NRDE2: variants seen among roughly 807,000 people sequenced by gnomAD.
NRDE2 encodes the protein nuclear exosome regulator NRDE2.
NRDE2 carries 76 observed loss-of-function variants against 124.2 expected under a neutral mutation model. That is an observed-to-expected ratio of 0.61 (90% CI 0.51 to 0.74). The LOEUF is 0.74. NRDE2 is among the 30% of genes least tolerant of loss of function. The pLI is 0.00. For missense variants in NRDE2, 1,314 were observed against 1,417.3 expected, an observed-to-expected ratio of 0.93 and a Z score of 1.17; for synonymous variants, 489 against 528.1, an observed-to-expected ratio of 0.93 and a Z score of 1.01.
At chr14:90,330,093 G>C (rs1443134327) in intron 1 of NRDE2, among the ~76,000 whole-genome samples, 1 of 151,524 alleles carries the variant, frequency 6.6e-6, no homozygotes, top group Non-Finnish European at 1.5e-5. Flanking sequence ...TGTAGTCCCA[G>C]CTACTCGGGA....
intron 4 of NRDE2, among the ~76,000 whole-genome samples, chr14:90,306,809 C>CA (rs34221775): frequency 0.31 from 42,547 of 135,158 alleles, 6,057 homozygotes; most frequent in South Asian, 0.37. Flanking sequence ...GACTTGGTCT[C>CA]AAAAAAAAAA....
intron 12 of NRDE2, among the ~76,000 whole-genome samples, chr14:90,283,693 T>C (rs1231590074): frequency 1.3e-5 from 2 of 151,222 alleles, no homozygotes; most frequent in African/African-American, 2.4e-5. Flanking sequence ...GAGAAATGCA[T>C]AAACTTTTGC....
In NRDE2 at chr14:90,272,476, G is replaced by A; in HGVS notation, c.*5860C>T. The stretch of plus-strand genomic sequence containing the variant: ...ATCCCTGAAAGGGATGAGGTTGGGG[G>A]AGTTGCCCAGAGGAATCCCTGTTCC... On this transcript the variant is annotated 3_prime_UTR_variant, in exon 14 of 14. Transcript: ENST00000354366. The surrounding 1 kb of genome is among the most constrained non-coding windows in gnomAD (Gnocchi z 4.5). The A allele has an allele frequency of 8.8e-7, 1 of 1,131,624 alleles. No individual in the cohort carries two copies. The highest frequency in any genetic ancestry group is 1.2e-6 in the Non-Finnish European group (1 of 804,104). The allele number at this position is 1,131,624 out of a possible 1,614,324, so 70.1% of individuals were successfully genotyped here. A position where few individuals can be genotyped will look rare whatever the true frequency, so the allele number is the denominator to read the frequency against.
At position 90,268,401 on chromosome 14, in the gene NRDE2, T is replaced by C; in HGVS notation, c.*9935A>G. On this transcript the variant is annotated 3_prime_UTR_variant, in exon 14 of 14. Transcript: ENST00000354366. ...GTGTTTATTGATGAAATTGACGCCA[T>C]TGGGACAAAAAGGTAGACTTTCTCA... 1 of 1,613,290 alleles carries C rather than the reference T, an allele frequency of 6.2e-7. No homozygotes were observed. The highest frequency in any genetic ancestry group is 8.5e-7 in the Non-Finnish European group (1 of 1,179,722).
chr14:90,279,925 G>T (rs2139664065), intron 12 of NRDE2: 1 of 152,452 alleles, frequency 6.6e-6, no homozygotes, highest in East Asian at 1.9e-4. Context: ...CCCTCAGAAG[G>T]TTCTAGGGGA....
rs1201415843 is a variant in NRDE2 at position 90,278,808 on chromosome 14, C to T, written c.3369+254G>A. Reference sequence around the variant, plus strand: ...ACTCTTTCAGCATCTGGGCTGGACTCTGACCAAATGCTGGGAAACCAGCTA... The same window carrying T: ...ACTCTTTCAGCATCTGGGCTGGACTTTGACCAAATGCTGGGAAACCAGCTA... On this transcript the variant is annotated intron_variant, in intron 13 of 13. Transcript: ENST00000354366. 6 of 560,340 alleles carry T rather than the reference C, an allele frequency of 1.1e-5. No homozygotes were observed. The East Asian group carries it at 1.8e-4, about 17-fold the overall frequency. The allele number at this position is 560,340 out of a possible 1,614,324, so 34.7% of individuals were successfully genotyped here. A position where few individuals can be genotyped will look rare whatever the true frequency, so the allele number is the denominator to read the frequency against.
In NRDE2 at chr14:90,327,100, A is replaced by G. The variant is rs565342401; in HGVS notation, c.64+4741T>C. On this transcript the variant is annotated intron_variant, in intron 1 of 13. Coordinates refer to ENST00000354366, the MANE Select transcript of NRDE2 (RefSeq NM_017970.4). The stretch of plus-strand genomic sequence containing the variant: ...ACACAGTGGTGATGATACCCCTAAC[A>G]ACCCAGTGTGTGGTTTTCATATATC... 1.4e-3 allele frequency among the ~76,000 whole-genome samples: 216 copies of G among 152,352 alleles called. 1 individual carries two copies. Among genetic ancestry groups the G allele is most frequent in the African/African-American group, 5.1e-3 (212 of 41,580 alleles).
Position 90,304,284 on chromosome 14 carries a change from T to C in NRDE2, c.656A>G (p.Gln219Arg), listed in dbSNP as rs1272143123. 6.2e-7 allele frequency: 1 copy of C among 1,614,156 alleles called. No homozygotes were observed. The highest frequency in any genetic ancestry group is 1.7e-5 in the Admixed American group (1 of 60,024). Residue 219 changes from glutamine (Q) to arginine (R), a missense_variant, in exon 5 of 14, where the codon CAG (glutamine) becomes CGG (arginine). Physicochemically the swap from Gln to Arg is conservative, Grantham distance 43. Transcript: ENST00000354366. ...TSTEKKHSRKQVERYFTKKSV... is the reference protein window; with the variant it reads ...TSTEKKHSRKRVERYFTKKSV... ...CTTCTTAGTAAAATAGCGTTCAACC[T>C]GCTTGCGTGAATGCTTCTTCTCTGT... is the stretch of plus-strand genomic sequence containing the variant.
intron 8 of NRDE2, among the ~76,000 whole-genome samples, chr14:90,294,281 T>C (rs1243491045): frequency 1.3e-5 from 2 of 151,680 alleles, no homozygotes; most frequent in Non-Finnish European, 2.9e-5. Context: ...ATGGTGCAGC[T>C]GCCGTCTGCT....
At position 90,272,256 on chromosome 14, in the gene NRDE2, A is replaced by G. The variant is rs770754493; in HGVS notation, c.*6080T>C. On this transcript the variant is annotated 3_prime_UTR_variant, in exon 14 of 14. Coordinates refer to ENST00000354366, the MANE Select transcript of NRDE2 (RefSeq NM_017970.4). This position sits in a 1 kb window ranked among gnomAD's most constrained non-coding sequence, Gnocchi z 4.5. ...AATGAGTATGTCACTTTCTGAACAC[A>G]CTCTTCTTTCTTACAGGCAATCTGT... 48 of 1,600,966 alleles carry G rather than the reference A, an allele frequency of 3.0e-5. 1 individual carries two copies. The Admixed American group carries it at 8.4e-4, about 28-fold the overall frequency.
At position 90,290,529 on chromosome 14, in the gene NRDE2, G is replaced by C. The variant is rs774254395; in HGVS notation, c.1921C>G (p.Leu641Val). ...DLQFQLVEAF[L>V]QFLGVPSGFT... ...CCAGAAGGCACACCCAAGAACTGCA[G>C]GAAGGCCTCCACCAGCTGGAACTGA... The change falls in exon 10 of 14, where the codon CTG becomes GTG. Residue 641 changes from leucine (L) to valine (V), a missense_variant. By Grantham distance (32) the Leu-to-Val change is conservative (BLOSUM62 1). Coordinates refer to ENST00000354366, the MANE Select transcript of NRDE2 (RefSeq NM_017970.4). 4 of 1,614,004 alleles carry C rather than the reference G, an allele frequency of 2.5e-6. No homozygotes were observed. The highest frequency in any genetic ancestry group is 2.5e-6 in the Non-Finnish European group (3 of 1,179,992).
rs146015101 is a variant in NRDE2 at position 90,288,263 on chromosome 14, T to C, written c.3112A>G (p.Ile1038Val). ...CTCTTCCTCAGTTTCTCAGCTTCAA[T>C]TGCAAACAACCAAGGCTCCAAGGGT... ...AKPLEPWLFAIEAEKLRKRLV... is the reference protein window; with the variant it reads ...AKPLEPWLFAVEAEKLRKRLV... Residue 1038 changes from isoleucine to valine, a missense_variant, in exon 11 of 14, where the codon ATT becomes GTT. By Grantham distance (29) the Ile-to-Val change is conservative. Transcript: ENST00000354366. The C allele has an allele frequency of 3.2e-4, 513 of 1,614,176 alleles. 1 individual carries two copies. Among genetic ancestry groups the C allele is most frequent in the African/African-American group, 2.4e-3 (181 of 75,042 alleles).
intron 11 of NRDE2, 92 bp downstream of exon 11, chr14:90,288,125 C>T: frequency 2.5e-6 from 3 of 1,199,150 alleles, no homozygotes; most frequent in Non-Finnish European, 3.6e-6. Flanking sequence ...CATGTTCATC[C>T]CTGTCTTCCT....
intron 10 of NRDE2, 121 bp downstream of exon 10, chr14:90,290,100 C>A (rs1043229132): frequency 3.3e-5 from 36 of 1,083,930 alleles, no homozygotes; most frequent in Non-Finnish European, 4.4e-5. Context: ...TTCAGGGTCA[C>A]TGGAGGAGGA....
intron 8 of NRDE2, among the ~76,000 whole-genome samples, chr14:90,293,396 A>G (rs528587820): frequency 6.6e-6 from 1 of 152,234 alleles, no homozygotes; most frequent in East Asian, 1.9e-4. Context: ...GATTACAGGT[A>G]TGTGCCACCA....
At position 90,278,763 on chromosome 14, in the gene NRDE2, C is replaced by G. The variant is rs118152545; in HGVS notation, c.3369+299G>C. The G allele has an allele frequency of 4.6e-3, 2,468 of 533,302 alleles. 61 individuals carry two copies. The highest frequency in any genetic ancestry group is 0.041 in the East Asian group (1,323 of 32,312). The allele number at this position is 533,302 out of a possible 1,614,324, so 33.0% of individuals were successfully genotyped here. On this transcript the variant is annotated intron_variant, in intron 13 of 13. Transcript: ENST00000354366. ...GTCACCTGACCTGGGCTCTCACAGC[C>G]AGGCTGGGACATGATCCCAACTCTT... is the stretch of plus-strand genomic sequence containing the variant.
intron 6 of NRDE2, 126 bp from the exon 7 acceptor site, chr14:90,301,498 A>G: frequency 1.2e-6 from 1 of 821,900 alleles, no homozygotes; most frequent in Non-Finnish European, 1.9e-6. Context: ...ATTAATTTAC[A>G]AAGCTGTGAT....
chr14:90,279,159 A>G (rs1891885370), intron 12 of NRDE2, 26 bp from the exon 13 acceptor site: 2 of 1,559,028 alleles, frequency 1.3e-6, no homozygotes, highest in Non-Finnish European at 1.8e-6. Flanking sequence ...GAAAATACAA[A>G]CATGATTAGT....
At chr14:90,323,234 T>G (rs1219072511) in intron 1 of NRDE2, among the ~76,000 whole-genome samples, 1 of 152,266 alleles carries the variant, frequency 6.6e-6, no homozygotes, top group African/African-American at 2.4e-5. Flanking sequence ...CTGAATAATT[T>G]AAGCTCAAAT....
Sources: gnomAD v4.1 joint callset for allele counts (sites outside exome capture counted in the v4.1 genomes callset) on GRCh38, gnomAD v4.1.1 for gene constraint, Gnocchi (gnomAD v3.1) non-coding constraint, MANE v1.5 for transcripts, NCBI Gene and HGNC (gene_info 2026-07-23, HGNC 2026-07-21) for gene names.